CDK14: variants seen among roughly 807,000 people sequenced by gnomAD.
The protein encoded by CDK14 is cyclin dependent kinase 14.
CDK14 carries 34 observed loss-of-function variants against 60.7 expected under a neutral mutation model. The observed-to-expected ratio is 0.56, with a 90% CI of 0.43 to 0.75. The LOEUF (loss-of-function observed/expected upper bound fraction) is 0.75, where lower values mean the gene tolerates loss of function less well. CDK14 is among the 30% of genes least tolerant of loss of function. The pLI, the probability that CDK14 is intolerant of heterozygous loss-of-function variation, is 0.00. For missense variants in CDK14, 482 were observed against 564.1 expected, an observed-to-expected ratio of 0.85 and a Z score of 1.47; for synonymous variants, 197 against 203.7, an observed-to-expected ratio of 0.97 and a Z score of 0.28.
intron 2 of CDK14, among the ~76,000 whole-genome samples, chr7:90,621,042 A>G (rs1219566630): frequency 6.6e-6 from 1 of 152,172 alleles, no homozygotes; most frequent in African/African-American, 2.4e-5. Flanking sequence ...GACAGTCAGG[A>G]GCTCTGCATA....
intron 2 of CDK14, chr7:90,632,391 C>T (rs1164566347): frequency 7.3e-6 from 2 of 275,278 alleles, no homozygotes; most frequent in African/African-American, 4.5e-5. Context: ...TTAGTGCCCT[C>T]TTCTTTTTTG....
At chr7:91,107,835 C>T (rs1405529943) in intron 12 of CDK14, 3 of 152,136 alleles carry the variant, frequency 2.0e-5, no homozygotes, top group Non-Finnish European at 2.9e-5. Flanking sequence ...GGAAATGGAA[C>T]TTTTAAGACA....
intron 10 of CDK14, among the ~76,000 whole-genome samples, chr7:91,030,808 G>T (rs1374254566): frequency 6.6e-6 from 1 of 152,072 alleles, no homozygotes; most frequent in African/African-American, 2.4e-5. Flanking sequence ...TCAGTTCTTG[G>T]CCTCAGAGTC....
chr7:90,825,891 G>A (rs1056837186), intron 5 of CDK14, among the ~76,000 whole-genome samples: 1 of 152,178 alleles, frequency 6.6e-6, no homozygotes, highest in African/African-American at 2.4e-5. Context: ...ACACAGTGTA[G>A]TGTGGTAGTT....
At chr7:91,101,605 G>A (rs769065532) in intron 12 of CDK14, among the ~76,000 whole-genome samples, 6 of 152,146 alleles carry the variant, frequency 3.9e-5, no homozygotes, top group African/African-American at 7.2e-5. Flanking sequence ...ATTGAGTACA[G>A]TGAGAAAGGA....
chr7:90,778,013 C>A (rs1805122122), intron 4 of CDK14, among the ~76,000 whole-genome samples: 1 of 152,172 alleles, frequency 6.6e-6, no homozygotes, highest in East Asian at 1.9e-4. Context: ...ATATTTTCTA[C>A]CTCTTCTCTG....
intron 14 of CDK14, among the ~76,000 whole-genome samples, chr7:91,181,127 G>A (rs564598872): frequency 6.6e-6 from 1 of 152,202 alleles, no homozygotes; most frequent in East Asian, 1.9e-4. Flanking sequence ...TAAATATTCA[G>A]CTAATGTTTA....
intron 4 of CDK14, among the ~76,000 whole-genome samples, chr7:90,750,263 TTA>T (rs1803785267): frequency 6.8e-6 from 1 of 147,386 alleles, no homozygotes; most frequent in African/African-American, 2.5e-5. Context: ...ATTACAAAAA[TTA>T]TAGTGCCAAC....
intron 4 of CDK14, among the ~76,000 whole-genome samples, chr7:90,788,020 A>G (rs1805670969): frequency 6.6e-6 from 1 of 152,228 alleles, no homozygotes; most frequent in African/African-American, 2.4e-5. Flanking sequence ...ACATAGTTTC[A>G]TGCCTGAGAA....
chr7:90,984,716 G>C (rs1217111043), intron 10 of CDK14, among the ~76,000 whole-genome samples: 1 of 152,208 alleles, frequency 6.6e-6, no homozygotes, highest in East Asian at 1.9e-4. Context: ...CATCATCAAA[G>C]ATAAGTCATG....
At chr7:90,693,050 C>A (rs1244815001) in intron 2 of CDK14, among the ~76,000 whole-genome samples, 4 of 152,074 alleles carry the variant, frequency 2.6e-5, no homozygotes, top group African/African-American at 9.7e-5. Context: ...ATGAAAGAAT[C>A]CGTCTTTTAG....
rs201770132 is a variant in CDK14 at position 90,620,032 on chromosome 7, CTT to C, written c.123+15785_123+15786del. On this transcript the variant is annotated intron_variant, in intron 2 of 14. Coordinates refer to ENST00000380050, the MANE Select transcript of CDK14 (RefSeq NM_001287135.2). ...AAAACAAATACAGAGAGATATGACT[CTT>C]TATTCATGATCTAGTTGACATCCCC... Among the ~76,000 whole-genome samples the C allele has an allele frequency of 1.3e-3, 197 of 152,106 alleles. 1 individual carries two copies. The East Asian group carries it at 0.034, about 26-fold the overall frequency.
intron 2 of CDK14, among the ~76,000 whole-genome samples, chr7:90,620,283 G>A (rs544846433): frequency 5.3e-5 from 8 of 152,284 alleles, no homozygotes; most frequent in African/African-American, 1.9e-4. Flanking sequence ...TATTAACTCA[G>A]TTGACTGGGC....
At chr7:90,722,619 A>ATT (rs10629900) in intron 2 of CDK14, among the ~76,000 whole-genome samples, 38,398 of 151,314 alleles carry the variant, frequency 0.25, 5,091 homozygotes, top group South Asian at 0.29. Context: ...ACCTTGTTAA[A>ATT]TTTTTTTTTT....
chr7:90,674,064 G>T (rs1801151337), intron 2 of CDK14, among the ~76,000 whole-genome samples: 1 of 152,188 alleles, frequency 6.6e-6, no homozygotes, highest in Non-Finnish European at 1.5e-5. Context: ...AGTTGTCTTG[G>T]AGACTCTAGT....
chr7:90,696,336 C>CTTCTTCTTCTTCT (rs772009194), intron 2 of CDK14, among the ~76,000 whole-genome samples: 2 of 125,704 alleles, frequency 1.6e-5, no homozygotes, highest in African/African-American at 3.1e-5. Context: ...ACTTCTTCTT[C>CTTCTTCTTCTTCT]TTTTTTTTTT....
intron 9 of CDK14, chr7:90,979,924 A>G (rs1213828079): frequency 6.6e-6 from 1 of 151,930 alleles, no homozygotes. Flanking sequence ...ATTGCTTTTG[A>G]CTGATTTGCT....
chr7:91,058,047 G>A (rs1068288), intron 11 of CDK14, among the ~76,000 whole-genome samples: 2 of 151,516 alleles, frequency 1.3e-5, no homozygotes, highest in South Asian at 2.1e-4. Flanking sequence ...AGCATGGAAT[G>A]TTCTTCCATT....
chr7:91,133,122 A>G (rs897936053), intron 14 of CDK14, among the ~76,000 whole-genome samples: 5 of 152,110 alleles, frequency 3.3e-5, no homozygotes, highest in African/African-American at 9.7e-5. Flanking sequence ...ATTTAAGACA[A>G]TTTTCAAAGT....
Sources: allele counts gnomAD v4.1 joint callset (sites outside exome capture counted in the v4.1 genomes callset), GRCh38; gene constraint gnomAD v4.1.1; transcripts MANE v1.5; gene names NCBI Gene and HGNC (gene_info 2026-07-23, HGNC 2026-07-21).